The following GLMN variants were observed in gnomAD, a reference collection of about 807,000 sequenced individuals.
GLMN encodes the protein glomulin.
A neutral mutation model predicts 87.8 loss-of-function variants in GLMN; 75 were observed. The observed-to-expected ratio is 0.85, with a 90% confidence interval of 0.71 to 1.04. The LOEUF (loss-of-function observed/expected upper bound fraction) is 1.04, where lower values mean the gene tolerates loss of function less well. GLMN is among the 50% of genes least tolerant of loss of function. The pLI, the probability that GLMN is intolerant of heterozygous loss-of-function variation, is 0.00. For synonymous variants in GLMN, 206 were observed against 221.6 expected, an observed-to-expected ratio of 0.93 and a Z score of 0.63; for missense variants, 588 against 658.8, an observed-to-expected ratio of 0.89 and a Z score of 1.18.
At chr1:92,266,674 T>C in intron 12 of GLMN, 26 bp downstream of exon 12, 1 of 1,492,520 alleles carries the variant, frequency 6.7e-7, no homozygotes, top group Non-Finnish European at 9.3e-7. Context: ...AACTCATTAT[T>C]CTTTAGTCAC....
the GLMN span, chr1:92,304,193 A>G: frequency 9.0e-7 from 1 of 1,105,640 alleles, no homozygotes; most frequent in South Asian, 1.3e-5. Context: ...GGATTGGCCA[A>G]TGATATGATA....
the GLMN span, among the ~76,000 whole-genome samples, chr1:92,342,583 A>C: frequency 6.6e-6 from 1 of 152,220 alleles, no homozygotes; most frequent in Non-Finnish European, 1.5e-5. Context: ...CAAGTTGATA[A>C]TTACAACAGA....
the GLMN span, among the ~76,000 whole-genome samples, chr1:92,324,619 T>G: frequency 6.6e-6 from 1 of 152,206 alleles, no homozygotes; most frequent in East Asian, 1.9e-4. Context: ...AATGTAAAAA[T>G]AGCCTAAAAT....
At chr1:92,263,799 T>C (rs1655302817) in intron 14 of GLMN, 67 bp from the exon 15 acceptor site, 2 of 804,486 alleles carry the variant, frequency 2.5e-6, no homozygotes, top group Non-Finnish European at 4.5e-6. Flanking sequence ...TTCTAATACC[T>C]TGACACTACA....
intron 7 of GLMN, among the ~76,000 whole-genome samples, chr1:92,281,213 A>G (rs1648001905): frequency 6.6e-6 from 1 of 152,342 alleles, no homozygotes; most frequent in South Asian, 2.1e-4. Context: ...AAGGGCAGCC[A>G]GAGAGAAAGG....
At chr1:92,319,296 G>A in the GLMN span, among the ~76,000 whole-genome samples, 1 of 152,150 alleles carries the variant, frequency 6.6e-6, no homozygotes, top group Non-Finnish European at 1.5e-5. Context: ...GAGCTTTACT[G>A]TCTGGGTTTG....
intron 17 of GLMN, 48 bp downstream of exon 17, chr1:92,247,830 T>C (rs1206946505): frequency 6.3e-6 from 5 of 790,010 alleles, no homozygotes; most frequent in South Asian, 1.3e-5. Context: ...GTTCCAAAAT[T>C]AGACTACTTT....
At chr1:92,323,679 T>C in the GLMN span, 1 of 1,613,728 alleles carries the variant, frequency 6.2e-7, no homozygotes. Context: ...AGAAAGCTGG[T>C]CACAAAGCTA....
chr1:92,287,686 A>AAT (rs575124433), intron 6 of GLMN, among the ~76,000 whole-genome samples: 2,014 of 152,132 alleles, frequency 0.013, 22 homozygotes, highest in Non-Finnish European at 0.021. Context: ...GGAAGCTAAA[A>AAT]ATAGTATTAG....
chr1:92,368,983 T>C, the GLMN span, among the ~76,000 whole-genome samples: 1 of 152,242 alleles, frequency 6.6e-6, no homozygotes, highest in African/African-American at 2.4e-5. Context: ...ATTTGTGATT[T>C]ATACATTGTA....
At chr1:92,319,385 T>C in the GLMN span, among the ~76,000 whole-genome samples, 1 of 152,216 alleles carries the variant, frequency 6.6e-6, no homozygotes, top group Non-Finnish European at 1.5e-5. Flanking sequence ...TCCTTATCTA[T>C]AACATGGGGA....
At chr1:92,299,045 T>A (rs898489945), upstream of GLMN, 6 of 1,362,336 alleles carry the variant, frequency 4.4e-6, no homozygotes, top group Non-Finnish European at 4.9e-6. Context: ...CGCCGGAGCG[T>A]GTCCCCGTCC....
At chr1:92,291,333 T>C in intron 4 of GLMN, 85 bp downstream of exon 4, 1 of 1,250,200 alleles carries the variant, frequency 8.0e-7, no homozygotes, top group South Asian at 1.2e-5. Flanking sequence ...AACCAAAAGC[T>C]TTCTTACCAA....
chr1:92,357,166 G>A, the GLMN span, among the ~76,000 whole-genome samples: 3 of 151,726 alleles, frequency 2.0e-5, no homozygotes, highest in Non-Finnish European at 4.4e-5. Flanking sequence ...CTGTGTCTTA[G>A]ACCCTGTAGG....
the GLMN span, among the ~76,000 whole-genome samples, chr1:92,337,749 A>G: frequency 6.6e-6 from 1 of 152,204 alleles, no homozygotes; most frequent in Non-Finnish European, 1.5e-5. Context: ...ATAATTTAGG[A>G]ATTTTTCCAA....
At chr1:92,344,034 T>C in the GLMN span, among the ~76,000 whole-genome samples, 2 of 152,226 alleles carry the variant, frequency 1.3e-5, no homozygotes, top group African/African-American at 2.4e-5. Context: ...GTGAAGTAGA[T>C]GTGTATCCTT....
chr1:92,362,947 C>T, the GLMN span, among the ~76,000 whole-genome samples: 4 of 152,248 alleles, frequency 2.6e-5, no homozygotes, highest in South Asian at 6.2e-4. Flanking sequence ...CAAAATCAAT[C>T]AAGTTCCCAA....
the GLMN span, chr1:92,363,894 CAT>C: frequency 2.5e-3 from 416 of 163,324 alleles, 4 homozygotes; most frequent in Middle Eastern, 8.9e-3. Flanking sequence ...AAGCATATAA[CAT>C]AAAATATGTG....
At chr1:92,295,342 T>C (rs1483637332) in intron 3 of GLMN, among the ~76,000 whole-genome samples, 1 of 152,078 alleles carries the variant, frequency 6.6e-6, no homozygotes, top group Non-Finnish European at 1.5e-5. Context: ...TCCTCAATGC[T>C]TCAATTACCC....
Sources: allele counts gnomAD v4.1 joint callset (sites outside exome capture counted in the v4.1 genomes callset), GRCh38; gene constraint gnomAD v4.1.1; transcripts MANE v1.5; gene names NCBI Gene and HGNC (gene_info 2026-07-23, HGNC 2026-07-21).